Variants in ZFAND3 observed in about 807,000 individuals in gnomAD.
The protein encoded by ZFAND3 is zinc finger AN1-type containing 3, also known as AN1-type zinc finger protein 3.
ZFAND3 carries 10 observed loss-of-function variants against 29.6 expected under a neutral mutation model. The ratio of observed to expected loss-of-function variants is 0.34; its 90% confidence interval spans 0.21 to 0.57. The LOEUF (loss-of-function observed/expected upper bound fraction) is 0.57, where lower values mean the gene tolerates loss of function less well. Ranked by LOEUF, ZFAND3 falls within the 20% of genes least tolerant of loss-of-function variation. The pLI, the probability that ZFAND3 is intolerant of heterozygous loss-of-function variation, is 0.86. For missense variants in ZFAND3, 230 were observed against 304.5 expected, an observed-to-expected ratio of 0.76 and a Z score of 1.82; for synonymous variants, 128 against 112.6, an observed-to-expected ratio of 1.14 and a Z score of -0.87.
intron 5 of ZFAND3, among the ~76,000 whole-genome samples, chr6:38,144,192 T>TATAATATATATATATATA: frequency 2.5e-5 from 1 of 40,798 alleles, no homozygotes; most frequent in African/African-American, 1.4e-4. Context: ...ATAATATATA[T>TATAATATATATATATATA]ATATATATAT....
intron 2 of ZFAND3, among the ~76,000 whole-genome samples, chr6:37,962,024 C>T (rs904547865): frequency 4.6e-5 from 7 of 152,140 alleles, no homozygotes; most frequent in Admixed American, 1.3e-4. Context: ...ATAAGGCACC[C>T]GGGACAAATC....
At chr6:37,967,400 C>T (rs1762312436) in intron 2 of ZFAND3, among the ~76,000 whole-genome samples, 2 of 152,102 alleles carry the variant, frequency 1.3e-5, no homozygotes, top group Non-Finnish European at 2.9e-5. Flanking sequence ...CTAAGCTCAC[C>T]TTGTACTTTC....
chr6:38,046,065 A>G (rs2645138), intron 2 of ZFAND3, among the ~76,000 whole-genome samples: 145,054 of 152,348 alleles, frequency 0.95, 69,385 homozygotes, highest in East Asian at 1. Context: ...TATTTGAAAA[A>G]TAAGTACCGG....
intron 1 of ZFAND3, among the ~76,000 whole-genome samples, chr6:37,873,547 C>T (rs1764736914): frequency 7.0e-6 from 1 of 142,466 alleles, no homozygotes; most frequent in Admixed American, 6.8e-5. Context: ...TTCTTGCTGA[C>T]AGTAGTGGAC....
At chr6:38,120,755 T>C (rs980453147) in intron 5 of ZFAND3, among the ~76,000 whole-genome samples, 7 of 152,196 alleles carry the variant, frequency 4.6e-5, no homozygotes. Flanking sequence ...GTGGATATGC[T>C]CCCTTTGGGA....
In ZFAND3 at chr6:38,153,890, C is replaced by G; in HGVS notation, c.*1501C>G. On this transcript the variant is annotated 3_prime_UTR_variant, in exon 6 of 6. Coordinates refer to ENST00000287218, the MANE Select transcript of ZFAND3 (RefSeq NM_021943.3). ...CACATAGGCTACTGGAATAGTTTAA[C>G]CCAGCAACTTTCCTTTTTATAAAAC... The G allele has an allele frequency of 2.0e-6, 2 of 985,476 alleles. No homozygotes were observed. The highest frequency in any genetic ancestry group is 4.7e-5 in the South Asian group (1 of 21,292). 61.0% of individuals were successfully genotyped at this position (985,476 alleles called of 1,614,324 possible). A position where few individuals can be genotyped will look rare whatever the true frequency, so the allele number is the denominator to read the frequency against.
intron 2 of ZFAND3, among the ~76,000 whole-genome samples, chr6:38,047,987 T>TTA (rs1554169658): frequency 1.3e-4 from 19 of 150,930 alleles, no homozygotes; most frequent in East Asian, 3.9e-4. Context: ...TTTTTTTTTT[T>TTA]ACTTTTTGTG....
chr6:38,095,982 A>G (rs974163444), intron 4 of ZFAND3, among the ~76,000 whole-genome samples: 1 of 152,036 alleles, frequency 6.6e-6, no homozygotes, highest in East Asian at 1.9e-4. Context: ...ACAGCGAGCC[A>G]TGATTGCACC....
intron 1 of ZFAND3, among the ~76,000 whole-genome samples, chr6:37,852,732 T>TTA (rs567708600): frequency 1.2e-4 from 18 of 150,538 alleles, no homozygotes; most frequent in African/African-American, 2.2e-4. Context: ...TTTTTTTTTT[T>TTA]AAAGACAGAG....
intron 1 of ZFAND3, among the ~76,000 whole-genome samples, chr6:37,895,509 TGA>T (rs1765186768): frequency 7.3e-6 from 1 of 137,280 alleles, no homozygotes; most frequent in Non-Finnish European, 1.5e-5. Flanking sequence ...CTTAACTTTT[TGA>T]ATTTTCTTTT....
intron 3 of ZFAND3, among the ~76,000 whole-genome samples, chr6:38,076,429 G>T (rs1764554841): frequency 6.6e-6 from 1 of 152,226 alleles, no homozygotes; most frequent in East Asian, 1.9e-4. Context: ...TTGTTTAGGG[G>T]AGTTAAGGTG....
Position 37,841,612 on chromosome 6 carries a change from T to G in ZFAND3, c.71+21596T>G, listed in dbSNP as rs1213219764. Among the ~76,000 whole-genome samples, 6 of 152,168 alleles carry G rather than the reference T, an allele frequency of 3.9e-5. No homozygotes were observed. The East Asian group carries it at 1.2e-3, about 29-fold the overall frequency. Reference sequence around the variant, plus strand: ...CATTCCCCTGCCTCAGCCTCCCGAGTAGCTGGGGCTACAGGGCCTGCCACC... The same window carrying G: ...CATTCCCCTGCCTCAGCCTCCCGAGGAGCTGGGGCTACAGGGCCTGCCACC... On this transcript the variant is annotated intron_variant, in intron 1 of 5. Transcript: ENST00000287218.
intron 1 of ZFAND3, among the ~76,000 whole-genome samples, chr6:37,825,869 C>T (rs918358235): frequency 2.6e-5 from 4 of 152,230 alleles, no homozygotes; most frequent in Admixed American, 2.6e-4. Context: ...TTATTTAGAA[C>T]AGAATACTTA....
chr6:37,834,723 T>A (rs940837717), intron 1 of ZFAND3, among the ~76,000 whole-genome samples: 3 of 148,778 alleles, frequency 2.0e-5, no homozygotes, highest in Non-Finnish European at 4.4e-5. Flanking sequence ...TATAATGATA[T>A]ATGCTCATAT....
chr6:38,063,879 A>G (rs948037971), intron 3 of ZFAND3, among the ~76,000 whole-genome samples: 2 of 152,176 alleles, frequency 1.3e-5, no homozygotes. Flanking sequence ...CAGGAATAAC[A>G]TTGCAAAGAA....
intron 2 of ZFAND3, among the ~76,000 whole-genome samples, chr6:37,956,477 G>A (rs960964647): frequency 8.5e-5 from 13 of 152,222 alleles, no homozygotes; most frequent in Non-Finnish European, 2.9e-5. Context: ...ACAACCATCA[G>A]TCAGAGTTAG....
intron 5 of ZFAND3, among the ~76,000 whole-genome samples, chr6:38,118,821 C>T (rs145826057): frequency 3.3e-5 from 5 of 151,268 alleles, no homozygotes; most frequent in African/African-American, 4.8e-5. Context: ...CAAGTAAAGC[C>T]AACTTGTCTA....
intron 5 of ZFAND3, among the ~76,000 whole-genome samples, chr6:38,127,990 A>G (rs1765667146): frequency 1.3e-5 from 2 of 152,264 alleles, no homozygotes; most frequent in South Asian, 2.1e-4. Context: ...TTTCTTCCAA[A>G]TTCACCAGAC....
At chr6:38,010,161 G>C (rs1336100529) in intron 2 of ZFAND3, among the ~76,000 whole-genome samples, 1 of 152,206 alleles carries the variant, frequency 6.6e-6, no homozygotes, top group Non-Finnish European at 1.5e-5. Flanking sequence ...GTGAGAACCA[G>C]CCCTGGACAG....
Sources: gnomAD v4.1 joint callset for allele counts (sites outside exome capture counted in the v4.1 genomes callset) on GRCh38, gnomAD v4.1.1 for gene constraint, MANE v1.5 for transcripts, NCBI Gene and HGNC (gene_info 2026-07-23, HGNC 2026-07-21) for gene names.